SMARCAD1: variants seen among roughly 807,000 people sequenced by gnomAD.
SMARCAD1 encodes the protein SNF2 related chromatin remodeling ATPase with DExD box 1.
A neutral mutation model predicts 127.1 loss-of-function variants in SMARCAD1; 25 were observed. That is an observed-to-expected ratio of 0.20 (90% confidence interval 0.14 to 0.27). The LOEUF (loss-of-function observed/expected upper bound fraction) is 0.27, where lower values mean the gene tolerates loss of function less well. SMARCAD1 is among the 10% of genes least tolerant of loss of function. SMARCAD1 has a pLI of 1.00. For synonymous variants in SMARCAD1, 400 were observed against 396.9 expected (o/e 1.01, Z -0.09); for missense variants, 807 against 1,206.0 (o/e 0.67, Z 4.90).
intron 2 of SMARCAD1, among the ~76,000 whole-genome samples, chr4:94,209,356 T>A (rs1214304937): frequency 6.6e-6 from 1 of 152,224 alleles, no homozygotes; most frequent in Non-Finnish European, 1.5e-5. Context: ...TCAGAGAGGT[T>A]ATTAGGAACT....
At chr4:94,273,844 T>C in intron 12 of SMARCAD1, 128 bp downstream of exon 12, 1 of 720,016 alleles carries the variant, frequency 1.4e-6, no homozygotes, top group Non-Finnish European at 2.4e-6. Flanking sequence ...ATATTAATTT[T>C]ATGGTCTCTT....
intron 20 of SMARCAD1, 68 bp from the exon 21 acceptor site, chr4:94,281,404 A>T: frequency 9.5e-7 from 1 of 1,056,174 alleles, no homozygotes; most frequent in Non-Finnish European, 1.5e-6. Context: ...CTAACTGTTT[A>T]AACCTGTCAA....
At position 94,290,209 on chromosome 4, in the gene SMARCAD1, C is replaced by T; in HGVS notation, c.*675C>T. 2.2e-6 allele frequency: 1 copy of T among 454,490 alleles called. No homozygotes were observed. The highest frequency in any genetic ancestry group is 1.6e-5 in the South Asian group (1 of 64,476). 28.2% of individuals were successfully genotyped at this position (454,490 alleles called of 1,614,324 possible). ...AACTAAAGAAGCCCCTACCTTGCTC[C>T]ATGGATTAATTCCTTCTGTTCATTT... On this transcript the variant is annotated 3_prime_UTR_variant, in exon 24 of 24. Transcript: ENST00000354268.
At chr4:94,270,245 A>G (rs1351592070) in intron 10 of SMARCAD1, among the ~76,000 whole-genome samples, 1 of 152,094 alleles carries the variant, frequency 6.6e-6, no homozygotes, top group Non-Finnish European at 1.5e-5. Context: ...CTTCAGAATT[A>G]TACATACCAC....
At chr4:94,219,421 A>C (rs1206841750) in intron 2 of SMARCAD1, among the ~76,000 whole-genome samples, 3 of 151,922 alleles carry the variant, frequency 2.0e-5, no homozygotes, top group African/African-American at 7.3e-5. Context: ...CCTACTAGTG[A>C]TTTTTTGTTT....
chr4:94,226,247 T>C lies in SMARCAD1; in HGVS notation c.319T>C (p.Ser107Pro), dbSNP rs749379015. Residue 107 changes from serine (S) to proline (P), a missense_variant, in exon 3 of 24, where the codon TCC (serine) becomes CCC (proline). Physicochemically the swap from Ser to Pro is moderately conservative, Grantham distance 74. Around this residue, in one of 8 missense-constraint regions of SMARCAD1, gnomAD observed 175 missense variants for 169.5 expected, o/e 1.03. Transcript: ENST00000354268. ...TGAAGATGTCGTTTCCCCAAATTGCTCCAATACAGTTCAAGAGAAAACATT... is the reference window on the plus strand; with the variant it reads ...TGAAGATGTCGTTTCCCCAAATTGCCCCAATACAGTTCAAGAGAAAACATT... ...DSEDVVSPNC[S>P]NTVQEKTFNK... The C allele has an allele frequency of 4.6e-5, 75 of 1,613,360 alleles. No individual in the cohort carries two copies. Among genetic ancestry groups the C allele is most frequent in the Non-Finnish European group, 6.3e-5 (74 of 1,179,524 alleles).
At chr4:94,269,301 A>G (rs1752191301) in intron 10 of SMARCAD1, among the ~76,000 whole-genome samples, 1 of 152,180 alleles carries the variant, frequency 6.6e-6, no homozygotes, top group Non-Finnish European at 1.5e-5. Context: ...GTGTGCAAAC[A>G]GGATATATGC....
intron 23 of SMARCAD1, among the ~76,000 whole-genome samples, chr4:94,285,460 G>A (rs1754801352): frequency 6.6e-6 from 1 of 152,066 alleles, no homozygotes. Flanking sequence ...GGGAGAAAGG[G>A]TGCATGTCAA....
In SMARCAD1 at chr4:94,250,803, G is replaced by A; in HGVS notation, c.859G>A (p.Glu287Lys). Residue 287 changes from glutamate to lysine, a missense_variant, in exon 8 of 24, where the codon GAA becomes AAA. By Grantham distance (56) the Glu-to-Lys change is moderately conservative. Coordinates refer to ENST00000354268, the MANE Select transcript of SMARCAD1 (RefSeq NM_020159.5). ...EHEWMYTEALESLKVFAEDQD... is the reference protein window; with the variant it reads ...EHEWMYTEALKSLKVFAEDQD... ...TGAATGGATGTACACAGAAGCTTTA[G>A]AATCTCTAAAAGTGTTTGCAGAAGA... The A allele has an allele frequency of 6.2e-7, 1 of 1,612,560 alleles. No individual in the cohort carries two copies. Among genetic ancestry groups the A allele is most frequent in the South Asian group, 1.1e-5 (1 of 90,932 alleles).
intron 15 of SMARCAD1, 109 bp from the exon 16 acceptor site, chr4:94,276,913 T>G (rs1753393640): frequency 1.8e-6 from 2 of 1,100,468 alleles, no homozygotes; most frequent in South Asian, 2.7e-5. Flanking sequence ...AAATTATTAA[T>G]AATGGTTTTA....
intron 2 of SMARCAD1, among the ~76,000 whole-genome samples, chr4:94,225,130 C>T (rs2664871): frequency 0.38 from 57,671 of 151,984 alleles, 11,952 homozygotes; most frequent in East Asian, 0.71. Flanking sequence ...CTTTATTGAC[C>T]TGTTTTTGAA....
At chr4:94,208,284 G>A (rs775763711) in intron 1 of SMARCAD1, 62 bp from the exon 2 acceptor site, 1 of 1,149,504 alleles carries the variant, frequency 8.7e-7, no homozygotes, top group East Asian at 2.3e-5. Context: ...ATAAACTGCT[G>A]TGGCATTGTA....
chr4:94,234,401 C>A (rs1409052857), intron 4 of SMARCAD1, among the ~76,000 whole-genome samples: 1 of 152,082 alleles, frequency 6.6e-6, no homozygotes, highest in Non-Finnish European at 1.5e-5. Context: ...AAATGCATAA[C>A]CTCCCCATTT....
intron 2 of SMARCAD1, chr4:94,213,015 T>C: frequency 1.7e-6 from 2 of 1,193,512 alleles, no homozygotes; most frequent in Non-Finnish European, 2.2e-6. Context: ...CCTTTTTTTC[T>C]TTGACTTTTG....
At chr4:94,240,800 A>C (rs1747462360) in intron 5 of SMARCAD1, 106 bp from the exon 6 acceptor site, 1 of 771,244 alleles carries the variant, frequency 1.3e-6, no homozygotes, top group Non-Finnish European at 2.3e-6. Context: ...TGATATCAAG[A>C]GAACTGTCTA....
intron 21 of SMARCAD1, among the ~76,000 whole-genome samples, chr4:94,282,105 T>TG (rs1403232315): frequency 5.1e-4 from 46 of 90,680 alleles, no homozygotes; most frequent in Non-Finnish European, 9.0e-4. Context: ...TTTTTGTTTT[T>TG]TTTTTTTTTT....
At chr4:94,281,717 T>A in intron 21 of SMARCAD1, 127 bp downstream of exon 21, 2 of 702,716 alleles carry the variant, frequency 2.8e-6, no homozygotes. Flanking sequence ...AATCATTACC[T>A]TAAAATAAGA....
At position 94,253,024 on chromosome 4, in the gene SMARCAD1, T is replaced by C; in HGVS notation, c.1281+17T>C. 1 of 1,608,412 alleles carries C rather than the reference T, an allele frequency of 6.2e-7. No individual in the cohort carries two copies. Among genetic ancestry groups the C allele is most frequent in the Non-Finnish European group, 8.5e-7 (1 of 1,179,972 alleles). Reference sequence around the variant, plus strand: ...GAGGCTCTGGTAAGGCTTTATTCTTTTTTTCCCCTTGTATGTGTGTGTGTA... The same window carrying C: ...GAGGCTCTGGTAAGGCTTTATTCTTCTTTTCCCCTTGTATGTGTGTGTGTA... On this transcript the variant is annotated intron_variant, in intron 9 of 23. Coordinates refer to ENST00000354268, the MANE Select transcript of SMARCAD1 (RefSeq NM_020159.5).
Position 94,280,753 on chromosome 4 carries a change from A to C in SMARCAD1, c.2580A>C (p.Gly860=). 6.2e-7 allele frequency: 1 copy of C among 1,613,650 alleles called. No homozygotes were observed. The highest frequency in any genetic ancestry group is 8.5e-7 in the Non-Finnish European group (1 of 1,179,804). ...ATTCTGGAAAATTTCGAGTTTTAGG[A>C]TGCATCTTGTCTGAATTGAAACAGA... ...ILDSGKFRVL[G]CILSELKQKG... The change falls in exon 20 of 24, where the codon GGA becomes GGC. Residue 860 remains glycine (G), a synonymous_variant. Transcript: ENST00000354268.
Sources: gnomAD v4.1 joint callset for allele counts (sites outside exome capture counted in the v4.1 genomes callset) on GRCh38, gnomAD v4.1.1 for gene constraint, gnomAD v4.1.1 regional missense constraint, MANE v1.5 for transcripts, NCBI Gene and HGNC (gene_info 2026-07-23, HGNC 2026-07-21) for gene names.